Variants in ANK1 observed in about 807,000 individuals in gnomAD.
ANK1 encodes the protein ankyrin-1.
In ANK1, 51 loss-of-function variants were observed where a neutral mutation model predicts 210.4. That is an observed-to-expected ratio of 0.24 (90% confidence interval 0.19 to 0.31). The LOEUF is 0.31. Ranked by LOEUF, ANK1 falls within the 10% of genes least tolerant of loss-of-function variation. The pLI is 1.00. For missense variants in ANK1, 2,051 were observed against 2,504.4 expected, an observed-to-expected ratio of 0.82 and a Z score of 3.86; for synonymous variants, 967 against 1,025.9, an observed-to-expected ratio of 0.94 and a Z score of 1.10.
At chr8:41,700,418 A>G in intron 22 of ANK1, 1 of 1,612,986 alleles carries the variant, frequency 6.2e-7, no homozygotes. Context: ...AGTAAACAGA[A>G]AGCATTTCAT....
At chr8:41,730,493 T>C (rs1219282312) in intron 3 of ANK1, among the ~76,000 whole-genome samples, 1 of 152,080 alleles carries the variant, frequency 6.6e-6, no homozygotes, top group East Asian at 1.9e-4. Flanking sequence ...GTTTATGTTT[T>C]GTTTTGTTTA....
chr8:41,767,351 T>C (rs1218730710), intron 1 of ANK1, among the ~76,000 whole-genome samples: 1 of 151,292 alleles, frequency 6.6e-6, no homozygotes, highest in Non-Finnish European at 1.5e-5. Context: ...CCGCAGGGTC[T>C]GGCCCGGACC....
At chr8:41,773,391 G>T (rs1843349646) in intron 1 of ANK1, among the ~76,000 whole-genome samples, 1 of 152,096 alleles carries the variant, frequency 6.6e-6, no homozygotes, top group Non-Finnish European at 1.5e-5. Context: ...TTAAACCCGA[G>T]ATCCCTGGAG....
intron 1 of ANK1, among the ~76,000 whole-genome samples, chr8:41,860,496 G>A (rs1813077901): frequency 6.6e-6 from 1 of 152,210 alleles, no homozygotes; most frequent in Non-Finnish European, 1.5e-5. Context: ...AGAGATCCAG[G>A]TGCTAAGACG....
intron 2 of ANK1, among the ~76,000 whole-genome samples, chr8:41,747,578 G>A (rs974082124): frequency 2.6e-5 from 4 of 152,160 alleles, no homozygotes; most frequent in Non-Finnish European, 5.9e-5. Flanking sequence ...GTCCTAGCAT[G>A]GAGCCTGGTG....
chr8:41,727,764 A>G, intron 4 of ANK1, 144 bp downstream of exon 4: 1 of 769,584 alleles, frequency 1.3e-6, no homozygotes, highest in Non-Finnish European at 2.3e-6. Flanking sequence ...ACCACTGCTC[A>G]GAGACATGCT....
At chr8:41,779,454 A>G (rs1844820378) in intron 1 of ANK1, among the ~76,000 whole-genome samples, 3 of 151,744 alleles carry the variant, frequency 2.0e-5, no homozygotes, top group Admixed American at 1.3e-4. Flanking sequence ...GGATCTCACT[A>G]TGTTGCCTAG....
intron 1 of ANK1, among the ~76,000 whole-genome samples, chr8:41,884,215 G>T (rs1818064923): frequency 6.6e-6 from 1 of 152,156 alleles, no homozygotes; most frequent in Non-Finnish European, 1.5e-5. Context: ...GGGCATGGTG[G>T]CATGTGCCTG....
chr8:41,688,676 T>C (rs772387299), intron 33 of ANK1, 87 bp from the exon 34 acceptor site: 20 of 1,204,232 alleles, frequency 1.7e-5, no homozygotes, highest in Non-Finnish European at 2.4e-5. Flanking sequence ...TGCAGGGGTG[T>C]GGAAGGCTGA....
intron 9 of ANK1, among the ~76,000 whole-genome samples, chr8:41,720,148 C>A (rs537887953): frequency 1.3e-5 from 2 of 152,218 alleles, no homozygotes; most frequent in African/African-American, 2.4e-5. Flanking sequence ...CTGCACCATG[C>A]GCTCAGACCT....
chr8:41,739,030 G>A (rs1054930418), intron 2 of ANK1, among the ~76,000 whole-genome samples: 2 of 152,220 alleles, frequency 1.3e-5, no homozygotes, highest in African/African-American at 2.4e-5. Flanking sequence ...TTCCCTGGAG[G>A]AAAACACCAG....
rs540468178 is a variant in ANK1 at position 41,710,951 on chromosome 8, G to A, written c.1801-1976C>T. On this transcript the variant is annotated intron_variant, in intron 16 of 42. Transcript: ENST00000289734. Reference sequence around the variant, plus strand: ...CTTACCCAAGGAATTGAATTAAATTGAAAAATCATTTTCTTTGAAGAATGA... The same window carrying A: ...CTTACCCAAGGAATTGAATTAAATTAAAAAATCATTTTCTTTGAAGAATGA... Among the ~76,000 whole-genome samples, 177 of 152,326 alleles carry A rather than the reference G, an allele frequency of 1.2e-3. 2 individuals are homozygous for A. Among genetic ancestry groups the A allele is most frequent in the African/African-American group, 4.1e-3 (169 of 41,570 alleles).
intron 30 of ANK1, 113 bp from the exon 31 acceptor site, chr8:41,692,989 T>A: frequency 1.3e-6 from 2 of 1,511,390 alleles, no homozygotes; most frequent in East Asian, 2.3e-5. Context: ...ACACCTGTGG[T>A]CACGGAGGCT....
At chr8:41,871,826 C>T (rs971189211) in intron 1 of ANK1, among the ~76,000 whole-genome samples, 1 of 152,214 alleles carries the variant, frequency 6.6e-6, no homozygotes, top group Non-Finnish European at 1.5e-5. Context: ...ACTTGAAATT[C>T]CACAGCAGTG....
intron 1 of ANK1, among the ~76,000 whole-genome samples, chr8:41,790,633 A>G (rs1847475094): frequency 6.6e-6 from 1 of 151,856 alleles, no homozygotes; most frequent in Non-Finnish European, 1.5e-5. Context: ...TAATCCCACT[A>G]AGAACTAGTT....
chr8:41,773,051 C>T (rs1321510343), intron 1 of ANK1, among the ~76,000 whole-genome samples: 1 of 151,786 alleles, frequency 6.6e-6, no homozygotes, highest in East Asian at 1.9e-4. Context: ...AGAAATCCAG[C>T]CTGACCCCCC....
intron 1 of ANK1, among the ~76,000 whole-genome samples, chr8:41,856,752 A>T (rs1812228911): frequency 1.3e-5 from 2 of 152,154 alleles, no homozygotes; most frequent in African/African-American, 4.8e-5. Flanking sequence ...ATAAAATGCA[A>T]ATATTCCAAA....
intron 8 of ANK1, 126 bp downstream of exon 8, chr8:41,723,409 G>A: frequency 8.2e-7 from 1 of 1,221,534 alleles, no homozygotes. Flanking sequence ...GAATACTGCT[G>A]CAGGCGGCTC....
chr8:41,663,552 G>T, intron 40 of ANK1, 107 bp downstream of exon 40: 3 of 1,133,638 alleles, frequency 2.6e-6, no homozygotes, highest in African/African-American at 1.5e-5. Context: ...GCCTGGCTGT[G>T]CTCACCTGCT....
Sources: allele counts gnomAD v4.1 joint callset (sites outside exome capture counted in the v4.1 genomes callset), GRCh38; gene constraint gnomAD v4.1.1; transcripts MANE v1.5; gene names NCBI Gene and HGNC (gene_info 2026-07-23, HGNC 2026-07-21).